SCHIP1: variants seen among roughly 807,000 people sequenced by gnomAD.
The protein encoded by SCHIP1 is schwannomin interacting protein 1.
SCHIP1 carries 8 observed loss-of-function variants against 29.7 expected under a neutral mutation model. The ratio of observed to expected loss-of-function variants is 0.27; its 90% CI spans 0.16 to 0.49. SCHIP1 has a LOEUF of 0.49. Among genes scored for constraint, SCHIP1 ranks in the 20% least tolerant of loss-of-function variants. The pLI is 0.99. For missense variants in SCHIP1, 193 were observed against 294.6 expected, an observed-to-expected ratio of 0.66 and a Z score of 2.52; for synonymous variants, 76 against 94.9, an observed-to-expected ratio of 0.80 and a Z score of 1.16.
At chr3:159,571,464 A>C in the SCHIP1 span, among the ~76,000 whole-genome samples, 1 of 152,250 alleles carries the variant, frequency 6.6e-6, no homozygotes, top group African/African-American at 2.4e-5. Context: ...CCAGCCTTGC[A>C]TCCCAGGGAT....
the SCHIP1 span, among the ~76,000 whole-genome samples, chr3:159,536,235 C>G: frequency 1.3e-5 from 2 of 152,180 alleles, no homozygotes; most frequent in African/African-American, 4.8e-5. Context: ...CCTGTTCACA[C>G]TGCAATCCCC....
chr3:159,484,260 G>T, the SCHIP1 span, among the ~76,000 whole-genome samples: 1 of 152,108 alleles, frequency 6.6e-6, no homozygotes, highest in Non-Finnish European at 1.5e-5. Flanking sequence ...AAATGAAAAC[G>T]TTACGATTTT....
intron 2 of SCHIP1, among the ~76,000 whole-genome samples, chr3:159,879,354 A>G (rs1251656522): frequency 6.6e-6 from 1 of 151,544 alleles, no homozygotes; most frequent in Non-Finnish European, 1.5e-5. Context: ...CTCAAGACGG[A>G]CTTTCCTAAA....
the SCHIP1 span, among the ~76,000 whole-genome samples, chr3:159,691,060 TATATTCTG>T: frequency 6.6e-6 from 1 of 152,228 alleles, no homozygotes; most frequent in African/African-American, 2.4e-5. Context: ...GAGAAGAATG[TATATTCTG>T]TTGATTTGGG....
chr3:159,740,490 T>A, the SCHIP1 span, among the ~76,000 whole-genome samples: 2 of 152,126 alleles, frequency 1.3e-5, no homozygotes, highest in African/African-American at 4.8e-5. Flanking sequence ...CCACAGCCTG[T>A]CTTCCAGTTT....
the SCHIP1 span, among the ~76,000 whole-genome samples, chr3:159,756,321 C>T: frequency 2.6e-5 from 4 of 152,246 alleles, no homozygotes; most frequent in African/African-American, 4.8e-5. Flanking sequence ...CTCAACACCA[C>T]GTGGAAGCTG....
At chr3:159,277,128 A>C in the SCHIP1 span, among the ~76,000 whole-genome samples, 2 of 151,700 alleles carry the variant, frequency 1.3e-5, no homozygotes, top group East Asian at 3.9e-4. Flanking sequence ...TCGATCTCTG[A>C]CTCCTGTGCA....
chr3:159,370,841 A>C, the SCHIP1 span, among the ~76,000 whole-genome samples: 1 of 152,114 alleles, frequency 6.6e-6, no homozygotes, highest in Non-Finnish European at 1.5e-5. Flanking sequence ...AGGCCTTCAG[A>C]ATCAGACTGG....
At chr3:159,301,285 C>T in the SCHIP1 span, among the ~76,000 whole-genome samples, 4 of 152,278 alleles carry the variant, frequency 2.6e-5, no homozygotes, top group Middle Eastern at 3.4e-3. Flanking sequence ...ATAGTTCAAA[C>T]CTGGTTAGTC....
the SCHIP1 span, among the ~76,000 whole-genome samples, chr3:159,809,178 T>C: frequency 7.7e-6 from 1 of 129,808 alleles, no homozygotes; most frequent in Non-Finnish European, 1.6e-5. Context: ...TGATGTTCCC[T>C]GCCCTGTGTC....
the SCHIP1 span, among the ~76,000 whole-genome samples, chr3:159,792,100 T>C: frequency 6.6e-6 from 1 of 152,210 alleles, no homozygotes; most frequent in African/African-American, 2.4e-5. Context: ...TAGAATTCCA[T>C]GGGCATCTCT....
the SCHIP1 span, among the ~76,000 whole-genome samples, chr3:159,545,650 T>G: frequency 4.7e-5 from 7 of 147,892 alleles, no homozygotes; most frequent in East Asian, 1.4e-3. Context: ...AATATACATA[T>G]ATACAAGATA....
the SCHIP1 span, among the ~76,000 whole-genome samples, chr3:159,719,779 G>C: frequency 6.6e-6 from 1 of 152,218 alleles, no homozygotes; most frequent in Non-Finnish European, 1.5e-5. Flanking sequence ...ATTTTACACT[G>C]TTGGTGGAAC....
chr3:159,745,296 C>T, the SCHIP1 span, among the ~76,000 whole-genome samples: 1 of 152,152 alleles, frequency 6.6e-6, no homozygotes, highest in South Asian at 2.1e-4. Flanking sequence ...TTCCAGTTGC[C>T]TCCATTTCTC....
chr3:159,529,151 G>A, the SCHIP1 span, among the ~76,000 whole-genome samples: 1 of 152,192 alleles, frequency 6.6e-6, no homozygotes, highest in Non-Finnish European at 1.5e-5. Context: ...ATTCAGGCAT[G>A]TGTGATGGCA....
the SCHIP1 span, among the ~76,000 whole-genome samples, chr3:159,693,125 G>T: frequency 6.6e-6 from 1 of 152,104 alleles, no homozygotes; most frequent in South Asian, 2.1e-4. Flanking sequence ...ACACCAGCAA[G>T]GGTGATTATA....
the SCHIP1 span, among the ~76,000 whole-genome samples, chr3:159,559,854 T>C: frequency 6.6e-6 from 1 of 152,180 alleles, no homozygotes; most frequent in Non-Finnish European, 1.5e-5. Context: ...GATGAACCTT[T>C]GTAGTTGGCC....
chr3:159,668,376 C>CAAAAAAAAAAAA, the SCHIP1 span, among the ~76,000 whole-genome samples: 38 of 46,400 alleles, frequency 8.2e-4, 2 homozygotes, highest in African/African-American at 3.5e-3. Context: ...GACTCCGTCT[C>CAAAAAAAAAAAA]AAAAAAAAAA....
chr3:159,703,286 A>G, the SCHIP1 span, among the ~76,000 whole-genome samples: 1 of 152,224 alleles, frequency 6.6e-6, no homozygotes, highest in South Asian at 2.1e-4. Flanking sequence ...ATTTACATTG[A>G]AGAAAATTGT....
Sources: allele counts gnomAD v4.1 joint callset (sites outside exome capture counted in the v4.1 genomes callset), GRCh38; gene constraint gnomAD v4.1.1; transcripts MANE v1.5; gene names NCBI Gene and HGNC (gene_info 2026-07-23, HGNC 2026-07-21).